The following PRKCZ variants were observed in gnomAD, a reference collection of about 807,000 sequenced individuals.
PRKCZ encodes the protein protein kinase C zeta type.
Under a neutral mutation model 79.5 loss-of-function variants are expected in PRKCZ, and 33 were observed. The observed-to-expected ratio is 0.41, with a 90% CI of 0.31 to 0.55. The LOEUF is 0.55. Among genes scored for constraint, PRKCZ ranks in the 20% least tolerant of loss-of-function variants. PRKCZ has a pLI of 0.19. For missense variants in PRKCZ, 578 were observed against 813.5 expected (o/e 0.71, Z 3.52); for synonymous variants, 342 against 320.9 (o/e 1.07, Z -0.70).
intron 3 of PRKCZ, 107 bp from the exon 4 acceptor site, chr1:2,059,434 T>C (rs1487017604): frequency 7.3e-7 from 1 of 1,365,318 alleles, no homozygotes; most frequent in Non-Finnish European, 1.0e-6. Flanking sequence ...ACGTGCGCCT[T>C]GCGTGAAGTC....
In PRKCZ at chr1:2,169,499, G is replaced by A. The variant is rs757912200; in HGVS notation, c.975-19G>A. On this transcript the variant is annotated intron_variant, in intron 10 of 17. Coordinates refer to ENST00000378567, the MANE Select transcript of PRKCZ (RefSeq NM_002744.6). ...GTCTGCCGAGGTGACTGCAGCCTCC[G>A]GCGCCTCTCTCCCTGCAGGTTGTTC... 7.9e-5 allele frequency: 123 copies of A among 1,547,864 alleles called. No homozygotes were observed. Among genetic ancestry groups the A allele is most frequent in the Middle Eastern group, 1.7e-4 (1 of 5,978 alleles).
chr1:2,151,020 G>A (rs747465232), intron 9 of PRKCZ, 42 bp downstream of exon 9: 15 of 1,604,718 alleles, frequency 9.3e-6, no homozygotes, highest in African/African-American at 4.0e-5. Context: ...CCGGGAACGC[G>A]CTGCCCTGGG....
chr1:2,057,231 T>G (rs998976912), intron 3 of PRKCZ, among the ~76,000 whole-genome samples: 1 of 152,164 alleles, frequency 6.6e-6, no homozygotes, highest in African/African-American at 2.4e-5. Context: ...CAAAGCCCCA[T>G]GATGAGCTGA....
chr1:2,079,228 G>C (rs1663020322), intron 4 of PRKCZ, among the ~76,000 whole-genome samples: 1 of 152,254 alleles, frequency 6.6e-6, no homozygotes, highest in African/African-American at 2.4e-5. Context: ...TCCCGGCTGA[G>C]AAGCACCGCG....
intron 4 of PRKCZ, among the ~76,000 whole-genome samples, chr1:2,118,451 C>G (rs1671191170): frequency 6.6e-6 from 1 of 151,820 alleles, no homozygotes; most frequent in African/African-American, 2.4e-5. Context: ...CATTCTCCTG[C>G]CTCAGCCTCC....
At chr1:2,181,151 C>T (rs181312586) in intron 16 of PRKCZ, among the ~76,000 whole-genome samples, 90 of 144,680 alleles carry the variant, frequency 6.2e-4, no homozygotes, top group African/African-American at 2.1e-3. Flanking sequence ...ACAGCAGGGT[C>T]GTCCTGTGTC....
Position 2,178,302 on chromosome 1 carries a change from C to T in PRKCZ, c.1575+2989C>T, listed in dbSNP as rs1572031416. Among the ~76,000 whole-genome samples, 1 of 152,232 alleles carries T rather than the reference C, an allele frequency of 6.6e-6. No homozygotes were observed. Among genetic ancestry groups the T allele is most frequent in the Admixed American group, 6.5e-5 (1 of 15,286 alleles). On this transcript the variant is annotated intron_variant, in intron 16 of 17. Coordinates refer to ENST00000378567, the MANE Select transcript of PRKCZ (RefSeq NM_002744.6). The surrounding 1 kb of genome is among the most constrained non-coding windows in gnomAD (Gnocchi z 4.3). ...TGGACCTGGGCACACCGCGGCCTTT[C>T]GTGCCTGCCCTCCCCTCAGCATTGT...
At position 2,094,003 on chromosome 1, in the gene PRKCZ, G is replaced by A. The variant is rs920397060; in HGVS notation, c.334+34412G>A. ...GGGTGGAGGAAGTGCTGCCTGACAC[G>A]TGTGTCTGCTCCCTGCGGCACGTCC... On this transcript the variant is annotated intron_variant, in intron 4 of 17. Coordinates refer to ENST00000378567, the MANE Select transcript of PRKCZ (RefSeq NM_002744.6). This position sits in a 1 kb window ranked among gnomAD's most constrained non-coding sequence, Gnocchi z 7.3. Among the ~76,000 whole-genome samples, 9 of 152,080 alleles carry A rather than the reference G, an allele frequency of 5.9e-5. 1 individual carries two copies. Among genetic ancestry groups the A allele is most frequent in the Admixed American group, 5.2e-4 (8 of 15,278 alleles).
At chr1:2,167,510 C>G (rs1412846482) in intron 10 of PRKCZ, among the ~76,000 whole-genome samples, 1 of 152,106 alleles carries the variant, frequency 6.6e-6, no homozygotes, top group Non-Finnish European at 1.5e-5. Context: ...CTCGGGGGGA[C>G]AGGTGGAAGG....
chr1:2,182,065 G>A (rs578099616), intron 16 of PRKCZ: 6 of 322,340 alleles, frequency 1.9e-5, no homozygotes, highest in South Asian at 1.4e-4. Context: ...TACGTGGAAG[G>A]ATTTGTCTGT....
At chr1:2,144,646 G>A (rs1227147332) in intron 6 of PRKCZ, 2 of 1,189,888 alleles carry the variant, frequency 1.7e-6, no homozygotes, top group Non-Finnish European at 2.1e-6. Context: ...CCCCAGTCTT[G>A]AACCAGCTCT....
intron 10 of PRKCZ, 129 bp from the exon 11 acceptor site, chr1:2,169,389 C>T (rs1233433131): frequency 1.4e-5 from 11 of 803,632 alleles, no homozygotes; most frequent in Non-Finnish European, 1.9e-5. Context: ...TCCTGCTGCT[C>T]TTTGCTCTTT....
chr1:2,169,296 C>A (rs545712293), intron 10 of PRKCZ: 2 of 587,950 alleles, frequency 3.4e-6, no homozygotes, highest in African/African-American at 3.7e-5. Flanking sequence ...GCCGGCGAGG[C>A]CCCCGCATGA....
At chr1:2,091,214 T>G (rs1255824672) in intron 4 of PRKCZ, among the ~76,000 whole-genome samples, 1 of 152,172 alleles carries the variant, frequency 6.6e-6, no homozygotes. Context: ...GTATTTTTAG[T>G]AGAGACGGGT....
rs1012562181 is a variant in PRKCZ, at chr1:2,125,757, C to T, written c.335-9505C>T. Among the ~76,000 whole-genome samples the T allele has an allele frequency of 1.3e-5, 2 of 152,242 alleles. No individual in the cohort carries two copies. The highest frequency in any genetic ancestry group is 4.8e-5 in the African/African-American group (2 of 41,462). ...GCCAGGTTTCCCAATCAGATTTGCT[C>T]AGGGTCCCTCCAGCAGTCCATGCCG... On this transcript the variant is annotated intron_variant, in intron 4 of 17. Coordinates refer to ENST00000378567, the MANE Select transcript of PRKCZ (RefSeq NM_002744.6). The surrounding 1 kb of genome is among the most constrained non-coding windows in gnomAD (Gnocchi z 4.2).
rs3765922 is a variant in PRKCZ at position 2,158,341 on chromosome 1, G to A, written c.974+2249G>A. Among the ~76,000 whole-genome samples the A allele has an allele frequency of 3.8e-3, 584 of 152,336 alleles. 18 individuals carry two copies. In the East Asian group the frequency reaches 0.082, roughly 21 times the overall value. ...TTCCTCCTCCCCAGTTGCTTCTGGG[G>A]TAAATTCCAAGCTTCCTGTGCGTGT... On this transcript the variant is annotated intron_variant, in intron 10 of 17. Transcript: ENST00000378567.
At chr1:2,134,755 C>G (rs963103776) in intron 4 of PRKCZ, 5 of 152,622 alleles carry the variant, frequency 3.3e-5, no homozygotes, top group African/African-American at 1.2e-4. Context: ...GTCAGTGGCG[C>G]TCTGCACCTT....
chr1:2,119,689 G>A (rs958913581), intron 4 of PRKCZ, among the ~76,000 whole-genome samples: 4 of 152,096 alleles, frequency 2.6e-5, no homozygotes, highest in Admixed American at 6.6e-5. Context: ...CCTGCAGGAC[G>A]GCGCTTACAT....
Position 2,180,068 on chromosome 1 carries a change from C to A in PRKCZ, c.1576-4515C>A, listed in dbSNP as rs552775695. 2.0e-5 allele frequency among the ~76,000 whole-genome samples: 3 copies of A among 152,264 alleles called. No homozygotes were observed. The East Asian group carries it at 5.8e-4, about 29-fold the overall frequency. On this transcript the variant is annotated intron_variant, in intron 16 of 17. Transcript: ENST00000378567. ...CTGTGACCTCATGGAGAGGGACAAG[C>A]CCCACAGCTGGGCTGGTGCCAGCTC...
Sources: gnomAD v4.1 joint callset for allele counts (sites outside exome capture counted in the v4.1 genomes callset) on GRCh38, gnomAD v4.1.1 for gene constraint, Gnocchi (gnomAD v3.1) non-coding constraint, MANE v1.5 for transcripts, NCBI Gene and HGNC (gene_info 2026-07-23, HGNC 2026-07-21) for gene names.